The following GCM1 variants were observed in gnomAD, a reference collection of about 807,000 sequenced individuals.
GCM1 encodes chorion-specific transcription factor GCMa.
A neutral mutation model predicts 25.7 loss-of-function variants in GCM1; 2 were observed. The ratio of observed to expected loss-of-function variants is 0.08; its 90% CI spans 0.03 to 0.24. The LOEUF is 0.24. Among genes scored for constraint, GCM1 ranks in the 10% least tolerant of loss-of-function variants. The probability of loss-of-function intolerance (pLI) is 1.00; values close to 1 mark genes in which losing one functional copy is unlikely to be tolerated. For missense variants in GCM1, 395 were observed against 538.7 expected (o/e 0.73, Z 2.64); for synonymous variants, 183 against 195.7 (o/e 0.94, Z 0.54).
intron 3 of GCM1, among the ~76,000 whole-genome samples, chr6:53,133,008 G>T (rs1763747181): frequency 6.6e-6 from 1 of 152,174 alleles, no homozygotes; most frequent in South Asian, 2.1e-4. Context: ...GAACCTAAAT[G>T]AATGGAATTG....
intron 1 of GCM1, among the ~76,000 whole-genome samples, 184 bp from the exon 2 acceptor site, chr6:53,145,952 G>A (rs962529920): frequency 2.0e-5 from 3 of 152,024 alleles, no homozygotes; most frequent in African/African-American, 7.2e-5. Flanking sequence ...TTAGAAGCGT[G>A]TGATCACTGC....
chr6:53,144,652 A>C (rs535098537), intron 2 of GCM1, among the ~76,000 whole-genome samples: 1 of 150,684 alleles, frequency 6.6e-6, no homozygotes, highest in East Asian at 2.0e-4. Context: ...CAAGTACAAA[A>C]ATTAGCTGGG....
At chr6:53,138,720 A>G (rs533397303) in intron 2 of GCM1, among the ~76,000 whole-genome samples, 1 of 152,358 alleles carries the variant, frequency 6.6e-6, no homozygotes, top group African/African-American at 2.4e-5. Context: ...GAGGTTTCCA[A>G]CATGTAGACC....
At chr6:53,134,736 G>A (rs2127508855) in intron 2 of GCM1, among the ~76,000 whole-genome samples, 1 of 152,336 alleles carries the variant, frequency 6.6e-6, no homozygotes, top group Non-Finnish European at 1.5e-5. Flanking sequence ...AGGAGGCTGA[G>A]GTGGGAGGAT....
rs1183043106 is a variant in GCM1, at chr6:53,132,270, C to T, written c.329-151G>A. The T allele has an allele frequency of 4.8e-6, 3 of 626,346 alleles. No homozygotes were observed. The African/African-American group carries it at 5.5e-5, about 11-fold the overall frequency. 38.8% of individuals were successfully genotyped at this position (626,346 alleles called of 1,614,324 possible). On this transcript the variant is annotated intron_variant, in intron 3 of 5. Coordinates refer to ENST00000259803, the MANE Select transcript of GCM1 (RefSeq NM_003643.4). ...TGGGCTGAAATCCACTAGATATTACCCCTGACCCTCAGAAGCCTGGCCACT... is the reference window on the plus strand; with the variant it reads ...TGGGCTGAAATCCACTAGATATTACTCCTGACCCTCAGAAGCCTGGCCACT...
chr6:53,135,309 ATAAT>A (rs2127508982), intron 2 of GCM1, among the ~76,000 whole-genome samples: 1 of 152,346 alleles, frequency 6.6e-6, no homozygotes, highest in East Asian at 1.9e-4. Flanking sequence ...AAATAAAATA[ATAAT>A]TAAAGAAAGG....
At position 53,128,682 on chromosome 6, in the gene GCM1, G is replaced by T. The variant is rs1763681774; in HGVS notation, c.835C>A (p.Leu279Met). The T allele has an allele frequency of 6.2e-6, 10 of 1,613,984 alleles. No homozygotes were observed. The South Asian group carries it at 1.1e-4, about 18-fold the overall frequency. Residue 279 changes from leucine to methionine, a missense_variant, in exon 6 of 6, where the codon CTG (leucine) becomes ATG (methionine). By Grantham distance (15) the Leu-to-Met change is conservative. Coordinates refer to ENST00000259803, the MANE Select transcript of GCM1 (RefSeq NM_003643.4). ...ACTCCGGAGGCAGAAGGAGGAAGCA[G>T]GTCTCCACTACTGTAGGTTCTGCTA... ...SSSRTYSSGD[L>M]LPPSASGVYS...
At chr6:53,134,686 G>A (rs917674019) in intron 2 of GCM1, among the ~76,000 whole-genome samples, 3 of 152,160 alleles carry the variant, frequency 2.0e-5, no homozygotes, top group Non-Finnish European at 4.4e-5. Context: ...TAGAAAACAG[G>A]GCCCAGTGTG....
At position 53,134,125 on chromosome 6, in the gene GCM1, C is replaced by T. The variant is rs141477966; in HGVS notation, c.275G>A (p.Arg92His). Residue 92 changes from arginine to histidine, a missense_variant, in exon 3 of 6, where the codon CGC becomes CAC. Arg to His is a conservative substitution (Grantham distance 29). Coordinates refer to ENST00000259803, the MANE Select transcript of GCM1 (RefSeq NM_003643.4). ...GATGGCAGGTCTCAGGTAGATCTTG[C>T]GCCCCTCCTCTGCGAGACAGTCGCG... is the stretch of plus-strand genomic sequence containing the variant. ...CGRDCLAEEG[R>H]KIYLRPAICD... The T allele has an allele frequency of 5.8e-5, 93 of 1,614,028 alleles. No homozygotes were observed. In the Middle Eastern group the frequency reaches 6.6e-4, roughly 11 times the overall value.
At chr6:53,147,024 AC>A (rs1461272990) in intron 1 of GCM1, among the ~76,000 whole-genome samples, 1 of 152,154 alleles carries the variant, frequency 6.6e-6, no homozygotes, top group Non-Finnish European at 1.5e-5. Context: ...ACAGAGTGAG[AC>A]CTTGTCTCAA....
In GCM1 at chr6:53,128,729, T is replaced by G. The variant is rs768265831; in HGVS notation, c.788A>C (p.Tyr263Ser). The G allele has an allele frequency of 1.2e-6, 2 of 1,614,124 alleles. No homozygotes were observed. Among genetic ancestry groups the G allele is most frequent in the Non-Finnish European group, 1.7e-6 (2 of 1,179,938 alleles). The change falls in exon 6 of 6, where the codon TAT (tyrosine) becomes TCT (serine). Residue 263 changes from tyrosine (Y) to serine (S), a missense_variant. Physicochemically the swap from Tyr to Ser is moderately radical, Grantham distance 144. Coordinates refer to ENST00000259803, the MANE Select transcript of GCM1 (RefSeq NM_003643.4). ...QTSTVDPMKLYEKRKLSSSRT... is the reference protein window; with the variant it reads ...QTSTVDPMKLSEKRKLSSSRT... ...GCTACTGGACAATTTGCGCTTTTCA[T>G]AGAGCTTCATGGGGTCCACAGTGGA...
intron 1 of GCM1, among the ~76,000 whole-genome samples, chr6:53,147,589 C>T (rs1763982020): frequency 2.0e-5 from 3 of 151,774 alleles, no homozygotes; most frequent in Non-Finnish European, 4.4e-5. Context: ...CCACCACACC[C>T]AGCTAATTTT....
chr6:53,128,807 G>C lies in GCM1; in HGVS notation c.710C>G (p.Ser237Cys). The C allele has an allele frequency of 6.2e-7, 1 of 1,613,760 alleles. No homozygotes were observed. Residue 237 changes from serine to cysteine, a missense_variant, in exon 6 of 6, where the codon TCC becomes TGC. This residue lies in a region of GCM1 where 291 missense variants were observed against 314.6 expected (regional missense o/e 0.92). Transcript: ENST00000259803. ...TCCCAGACCATAACTCTTGGAGAAG[G>C]AAAAGCAATCATTTAGTGAGTTCTG... ...PQQNSLNDCF[S>C]FSKSYGLGGI...
At position 53,127,047 on chromosome 6, in the gene GCM1, A is replaced by G. The variant is rs1057410576; in HGVS notation, c.*1159T>C. The G allele has an allele frequency of 3.9e-5, 6 of 152,348 alleles. No homozygotes were observed. The highest frequency in any genetic ancestry group is 8.8e-5 in the Non-Finnish European group (6 of 68,036). The allele number at this position is 152,348 out of a possible 1,614,324, so 9.4% of individuals were successfully genotyped here. On this transcript the variant is annotated 3_prime_UTR_variant, in exon 6 of 6. Transcript: ENST00000259803. The stretch of plus-strand genomic sequence containing the variant: ...TTTATCATAAAGTACTTCAGCAAAG[A>G]AGAGAAACTGGCATTCAAACATGGC...
chr6:53,128,223 G>A lies in GCM1; in HGVS notation c.1294C>T (p.Leu432=), dbSNP rs1028445706. Residue 432 remains leucine, a synonymous_variant, in exon 6 of 6, where the codon CTG becomes TTG. Coordinates refer to ENST00000259803, the MANE Select transcript of GCM1 (RefSeq NM_003643.4). ...GATTTGGGTCATCTCAAAGGACACAGGTTCAGAAGCATATCATTGTTGCAG... is the reference window on the plus strand; with the variant it reads ...GATTTGGGTCATCTCAAAGGACACAAGTTCAGAAGCATATCATTGTTGCAG... ...DHCNNDMLLN[L]CPLR The A allele has an allele frequency of 7.5e-6, 12 of 1,607,654 alleles. No homozygotes were observed. The African/African-American group carries it at 1.6e-4, about 21-fold the overall frequency.
chr6:53,133,353 G>GTA (rs1168353221), intron 3 of GCM1, among the ~76,000 whole-genome samples: 1 of 151,644 alleles, frequency 6.6e-6, no homozygotes, highest in Non-Finnish European at 1.5e-5. Context: ...GTGTGTGTGT[G>GTA]TGTGTGTTTG....
intron 5 of GCM1, among the ~76,000 whole-genome samples, chr6:53,129,796 G>T (rs774874153): frequency 4.3e-4 from 66 of 152,008 alleles, no homozygotes; most frequent in Non-Finnish European, 7.2e-4. Context: ...TTGAATTCGT[G>T]GGAATTTTGT....
intron 2 of GCM1, among the ~76,000 whole-genome samples, chr6:53,134,966 C>T (rs1477519835): frequency 2.0e-5 from 3 of 152,174 alleles, no homozygotes; most frequent in Non-Finnish European, 4.4e-5. Flanking sequence ...ATCAAAGAGC[C>T]ACTTTCTTCC....
At chr6:53,142,870 CAAAAA>C (rs60718730) in intron 2 of GCM1, among the ~76,000 whole-genome samples, 5 of 37,532 alleles carry the variant, frequency 1.3e-4, no homozygotes, top group South Asian at 1.3e-3. Flanking sequence ...CAAGGATCTC[CAAAAA>C]AAAAAAAAAA....
Sources: gnomAD v4.1 joint callset for allele counts (sites outside exome capture counted in the v4.1 genomes callset) on GRCh38, gnomAD v4.1.1 for gene constraint, gnomAD v4.1.1 regional missense constraint, MANE v1.5 for transcripts, NCBI Gene and HGNC (gene_info 2026-07-23, HGNC 2026-07-21) for gene names.